TENM1: variants seen among roughly 807,000 people sequenced by gnomAD.
TENM1 encodes the protein teneurin-1.
A neutral mutation model predicts 174.8 loss-of-function variants in TENM1; 35 were observed. The ratio of observed to expected loss-of-function variants is 0.20; its 90% CI spans 0.15 to 0.27. The LOEUF is 0.27. Among genes scored for constraint, TENM1 ranks in the 10% least tolerant of loss-of-function variants. The pLI is 1.00. For synonymous variants in TENM1, 781 were observed against 798.7 expected, an observed-to-expected ratio of 0.98 and a Z score of 0.37; for missense variants, 1,633 against 2,130.1, an observed-to-expected ratio of 0.77 and a Z score of 4.59.
chrX:124,859,916 A>G (rs907474469), intron 3 of TENM1, among the ~76,000 whole-genome samples: 4 of 112,458 alleles, frequency 3.6e-5, no homozygotes, highest in Non-Finnish European at 7.5e-5. Context: ...ATCACATGGA[A>G]TAAGAGTTGT....
At chrX:125,154,652 G>A in the TENM1 span, among the ~76,000 whole-genome samples, 473 of 111,184 alleles carry the variant, frequency 4.3e-3, 4 homozygotes, top group African/African-American at 0.015. Context: ...ATGAAGCCAC[G>A]GACCCTCGCG....
chrX:124,965,371 G>A (rs766177912), upstream of TENM1, among the ~76,000 whole-genome samples: 2 of 111,647 alleles, frequency 1.8e-5, no homozygotes, highest in East Asian at 5.6e-4. Context: ...GAGGCACCAC[G>A]CCCGGCCTAT....
chrX:124,439,719 A>G (rs1289953081), intron 23 of TENM1, among the ~76,000 whole-genome samples: 1 of 111,464 alleles, frequency 9.0e-6, no homozygotes, highest in Non-Finnish European at 1.9e-5. Flanking sequence ...TAGTTTTGTA[A>G]GCTATCAGTT....
At chrX:125,162,247 C>G in the TENM1 span, among the ~76,000 whole-genome samples, 2 of 111,804 alleles carry the variant, frequency 1.8e-5, no homozygotes, top group Admixed American at 1.9e-4. Context: ...CCTAATGAAG[C>G]ATTTGAGCAC....
intron 1 of TENM1, among the ~76,000 whole-genome samples, chrX:124,955,803 AC>A (rs779856767): frequency 6.4e-5 from 7 of 108,752 alleles, no homozygotes; most frequent in African/African-American, 2.0e-4. Context: ...GCACGCACAC[AC>A]ACACACACAC....
intron 3 of TENM1, among the ~76,000 whole-genome samples, chrX:124,745,236 G>A (rs1484037329): frequency 9.0e-6 from 1 of 111,239 alleles, no homozygotes; most frequent in African/African-American, 3.3e-5. Context: ...AGAACAAAGG[G>A]CACTCATGGA....
intron 11 of TENM1, among the ~76,000 whole-genome samples, chrX:124,569,780 G>T (rs778112833): frequency 7.2e-5 from 8 of 111,213 alleles, no homozygotes; most frequent in Non-Finnish European, 1.5e-4. Context: ...AAAACGAGCT[G>T]AAAAACCATG....
intron 3 of TENM1, among the ~76,000 whole-genome samples, chrX:124,876,107 T>A (rs375356106): frequency 9.0e-6 from 1 of 110,572 alleles, no homozygotes; most frequent in East Asian, 2.8e-4. Context: ...ATTTTATGTA[T>A]CCTTATTGTG....
At chrX:124,973,155 T>C in the TENM1 span, among the ~76,000 whole-genome samples, 1 of 111,942 alleles carries the variant, frequency 8.9e-6, no homozygotes, top group African/African-American at 3.3e-5. Flanking sequence ...ATTTATTAAA[T>C]AGGGAATCGT....
intron 3 of TENM1, among the ~76,000 whole-genome samples, chrX:124,843,026 GTCCTT>G (rs923424260): frequency 9.1e-6 from 1 of 110,492 alleles, no homozygotes; most frequent in Non-Finnish European, 1.9e-5. Context: ...CAAATCTCAG[GTCCTT>G]TCATCAAGCA....
the TENM1 span, among the ~76,000 whole-genome samples, chrX:125,119,639 ATCCC>A: frequency 2.7e-5 from 3 of 111,054 alleles, no homozygotes; most frequent in Non-Finnish European, 1.9e-5. Context: ...AATTAATAAT[ATCCC>A]TAGACAAATA....
chrX:124,434,501 G>A (rs1001360922), intron 23 of TENM1, among the ~76,000 whole-genome samples: 3 of 111,934 alleles, frequency 2.7e-5, no homozygotes, highest in South Asian at 3.8e-4. Context: ...CAATCAGCAC[G>A]TACACACTCT....
intron 11 of TENM1, among the ~76,000 whole-genome samples, chrX:124,596,048 T>C (rs908987379): frequency 8.9e-6 from 1 of 112,051 alleles, no homozygotes; most frequent in Admixed American, 9.5e-5. Flanking sequence ...TGTTCATGGG[T>C]TCTTTAAATT....
intron 3 of TENM1, among the ~76,000 whole-genome samples, chrX:124,768,766 T>A (rs764798041): frequency 8.9e-6 from 1 of 112,664 alleles, no homozygotes; most frequent in African/African-American, 3.2e-5. Flanking sequence ...AGAATTTGTA[T>A]CTTCAACTAA....
At chrX:125,091,314 G>A in the TENM1 span, among the ~76,000 whole-genome samples, 2 of 111,692 alleles carry the variant, frequency 1.8e-5, no homozygotes, top group East Asian at 5.7e-4. Flanking sequence ...GATGAGATTT[G>A]GAGAACCTAA....
intron 11 of TENM1, among the ~76,000 whole-genome samples, chrX:124,599,128 C>T (rs1381731068): frequency 2.7e-5 from 3 of 111,311 alleles, no homozygotes; most frequent in Non-Finnish European, 5.7e-5. Context: ...AAACACATCC[C>T]CCAGTGGATA....
At chrX:124,930,018 T>C (rs2058146479) in intron 1 of TENM1, among the ~76,000 whole-genome samples, 1 of 110,557 alleles carries the variant, frequency 9.0e-6, no homozygotes, top group African/African-American at 3.3e-5. Flanking sequence ...TTCCCCACTT[T>C]AATTGCTGTC....
intron 23 of TENM1, among the ~76,000 whole-genome samples, chrX:124,433,128 A>T (rs1389705060): frequency 8.9e-6 from 1 of 111,868 alleles, no homozygotes; most frequent in African/African-American, 3.3e-5. Context: ...CATCACTGTC[A>T]TGTTAGGGTT....
chrX:124,777,463 T>G (rs1234332437), intron 3 of TENM1, among the ~76,000 whole-genome samples: 7 of 111,958 alleles, frequency 6.3e-5, no homozygotes, highest in Non-Finnish European at 1.9e-5. Context: ...ACTGAAAAGT[T>G]AGTACTCAGC....
Sources: gnomAD v4.1 joint callset for allele counts (sites outside exome capture counted in the v4.1 genomes callset) on GRCh38, gnomAD v4.1.1 for gene constraint, MANE v1.5 for transcripts, NCBI Gene and HGNC (gene_info 2026-07-23, HGNC 2026-07-21) for gene names.